PNLDC1: variants seen among roughly 807,000 people sequenced by gnomAD.
The protein encoded by PNLDC1 is PARN like ribonuclease domain containing exonuclease 1.
Under a neutral mutation model 82.0 loss-of-function variants are expected in PNLDC1, and 70 were observed. That is an observed-to-expected ratio of 0.85 (90% CI 0.70 to 1.04). PNLDC1 has a LOEUF of 1.04. Among genes scored for constraint, PNLDC1 ranks in the 50% least tolerant of loss-of-function variants. PNLDC1 has a pLI of 0.00. For synonymous variants in PNLDC1, 280 were observed against 249.3 expected, an observed-to-expected ratio of 1.12 and a Z score of -1.16; for missense variants, 631 against 661.1, an observed-to-expected ratio of 0.95 and a Z score of 0.50.
Position 159,819,221 on chromosome 6 carries a change from G to A in PNLDC1, c.1434-33G>A. On this transcript the variant is annotated intron_variant, in intron 17 of 18. Transcript: ENST00000392167. The surrounding 1 kb of genome is among the most constrained non-coding windows in gnomAD (Gnocchi z 4.6). ...TCACAGCAGGCGGCGCCATCCTGCTGCCTGGCTGACCACAGCAAACTTGTT... is the reference window on the plus strand; with the variant it reads ...TCACAGCAGGCGGCGCCATCCTGCTACCTGGCTGACCACAGCAAACTTGTT... 2 of 1,612,898 alleles carry A rather than the reference G, an allele frequency of 1.2e-6. No individual in the cohort carries two copies. The highest frequency in any genetic ancestry group is 1.3e-5 in the African/African-American group (1 of 75,000).
chr6:159,801,321 A>G (rs1172999288), intron 3 of PNLDC1, 135 bp downstream of exon 3: 12 of 850,218 alleles, frequency 1.4e-5, no homozygotes, highest in Non-Finnish European at 2.2e-5. Flanking sequence ...GTGTTGGGCC[A>G]TTGTATACAT....
chr6:159,815,913 C>T (rs1562505288), intron 12 of PNLDC1, 56 bp from the exon 13 acceptor site: 1 of 1,387,040 alleles, frequency 7.2e-7, no homozygotes. Context: ...AGGGGGAATA[C>T]AAGAAGGGAT....
At chr6:159,800,502 A>AC in intron 1 of PNLDC1, 119 bp downstream of exon 1, 1 of 1,325,376 alleles carries the variant, frequency 7.5e-7, no homozygotes, top group East Asian at 2.5e-5. Context: ...CTCGGGAAGG[A>AC]CAGGGGGGCT....
At chr6:159,803,688 A>G (rs1781344236) in intron 4 of PNLDC1, among the ~76,000 whole-genome samples, 1 of 152,084 alleles carries the variant, frequency 6.6e-6, no homozygotes, top group South Asian at 2.1e-4. Context: ...ACCCCCCATG[A>G]GCAGTTGAGG....
Position 159,818,564 on chromosome 6 carries a change from C to G in PNLDC1, c.1167C>G (p.Pro389=). Residue 389 remains proline (P), a synonymous_variant, in exon 16 of 19, where the codon CCC becomes CCG. Coordinates refer to ENST00000392167, the MANE Select transcript of PNLDC1 (RefSeq NM_001271862.2). ...LLLQKIYHID[P]VPESSFPQYL... ...TTTTCTGTCCTTGCAGCATCGACCCCGTGCCCGAGTCATCCTTTCCTCAGT... is the reference window on the plus strand; with the variant it reads ...TTTTCTGTCCTTGCAGCATCGACCCGGTGCCCGAGTCATCCTTTCCTCAGT... 7 of 1,613,690 alleles carry G rather than the reference C, an allele frequency of 4.3e-6. No homozygotes were observed. The highest frequency in any genetic ancestry group is 5.1e-6 in the Non-Finnish European group (6 of 1,180,016).
upstream of PNLDC1, chr6:159,800,163 A>G: frequency 1.5e-6 from 1 of 679,036 alleles, no homozygotes; most frequent in Middle Eastern, 4.3e-4. Flanking sequence ...CCAGCAGCAC[A>G]CGGGGAAGCT....
chr6:159,813,672 C>T lies in PNLDC1; in HGVS notation c.995+16C>T. 1.2e-6 allele frequency: 2 copies of T among 1,612,350 alleles called. No homozygotes were observed. Among genetic ancestry groups the T allele is most frequent in the Non-Finnish European group, 1.7e-6 (2 of 1,178,366 alleles). On this transcript the variant is annotated intron_variant, in intron 12 of 18. Transcript: ENST00000392167. ...TCCTGAACAGGTGAGGACGGCGATT[C>T]CTGGAGCTACTGCTGGAGCGGCCTT...
chr6:159,818,628 C>T lies in PNLDC1; in HGVS notation c.1231C>T (p.Leu411Phe), dbSNP rs1309063063. 15 of 1,613,720 alleles carry T rather than the reference C, an allele frequency of 9.3e-6. No homozygotes were observed. In the Admixed American group the frequency reaches 2.5e-4, roughly 27 times the overall value. The change falls in exon 16 of 19, where the codon CTC becomes TTC. Residue 411 changes from leucine (L) to phenylalanine (F), a missense_variant. Leu to Phe is a conservative substitution (Grantham distance 22, BLOSUM62 0). Transcript: ENST00000392167. ...GGCTCCTTACGTGAACCAAGTGAAC[C>T]TCATCCGAGCGGGGGTCCCAAAGAT... ...VLAPYVNQVNLIRAGVPKINF... is the reference protein window; with the variant it reads ...VLAPYVNQVNFIRAGVPKINF...
At chr6:159,813,480 A>C in intron 11 of PNLDC1, 121 bp from the exon 12 acceptor site, 2 of 817,692 alleles carry the variant, frequency 2.4e-6, no homozygotes, top group East Asian at 5.0e-5. Flanking sequence ...TTTGAAGAGA[A>C]AGAGGAGGTT....
At position 159,820,701 on chromosome 6, in the gene PNLDC1, C is replaced by T. The variant is rs987160705; in HGVS notation, c.*184C>T. ...CAATGATAAATCAGTCCTTAGATAT[C>T]GTACCTGTATGTGTGGTCAGAACTT... On this transcript the variant is annotated 3_prime_UTR_variant, in exon 19 of 19. Transcript: ENST00000392167. 6.5e-6 allele frequency: 4 copies of T among 618,556 alleles called. No homozygotes were observed. The highest frequency in any genetic ancestry group is 5.7e-5 in the East Asian group (2 of 35,150). The allele number at this position is 618,556 out of a possible 1,614,324, so 38.3% of individuals were successfully genotyped here.
intron 15 of PNLDC1, among the ~76,000 whole-genome samples, chr6:159,817,736 G>C (rs1033680600): frequency 2.0e-5 from 3 of 152,252 alleles, no homozygotes; most frequent in African/African-American, 7.2e-5. Flanking sequence ...CGTTAGTTAA[G>C]TAGGACTTAG....
intron 3 of PNLDC1, among the ~76,000 whole-genome samples, chr6:159,801,786 AT>A (rs35414954): frequency 0.48 from 72,677 of 151,506 alleles, 18,310 homozygotes; most frequent in Non-Finnish European, 0.55. Context: ...CACAAAAATA[AT>A]TTTTTTTAAG....
chr6:159,805,851 C>G (rs1781427916), intron 6 of PNLDC1, 132 bp from the exon 7 acceptor site: 1 of 683,146 alleles, frequency 1.5e-6, no homozygotes, highest in Non-Finnish European at 2.6e-6. Flanking sequence ...AAATCGTCTT[C>G]TTTTGGTACA....
chr6:159,804,169 T>G (rs1583167227), intron 5 of PNLDC1, 81 bp downstream of exon 5: 1 of 1,508,766 alleles, frequency 6.6e-7, no homozygotes, highest in Non-Finnish European at 9.0e-7. Flanking sequence ...CAGGCTGGAG[T>G]GCAGTGGTGC....
At chr6:159,818,257 G>A (rs1208961443) in intron 15 of PNLDC1, among the ~76,000 whole-genome samples, 6 of 152,182 alleles carry the variant, frequency 3.9e-5, no homozygotes, top group African/African-American at 1.4e-4. Context: ...TCTGAATAGT[G>A]GCCTCGCACT....
intron 6 of PNLDC1, among the ~76,000 whole-genome samples, chr6:159,805,257 A>G (rs754980295): frequency 1.3e-5 from 2 of 152,196 alleles, no homozygotes; most frequent in African/African-American, 2.4e-5. Context: ...TTGTGGGTAG[A>G]CGGACCGGGG....
chr6:159,800,859 A>G, intron 2 of PNLDC1, 30 bp downstream of exon 2: 2 of 1,613,952 alleles, frequency 1.2e-6, no homozygotes, highest in Non-Finnish European at 1.7e-6. Context: ...CCCTCTGTAT[A>G]AGAGCCTGGC....
rs139589917 is a variant in PNLDC1 at position 159,818,520 on chromosome 6, G to A, written c.1158-35G>A. ...GCCGAGGAAGTGGATGAACTTCTGT[G>A]CGCCCGACAGCTTTGGGGTTTTCTG... On this transcript the variant is annotated intron_variant, in intron 15 of 18. Transcript: ENST00000392167. 1,831 of 1,581,364 alleles carry A rather than the reference G, an allele frequency of 1.2e-3. 14 individuals carry two copies. In the African/African-American group the frequency reaches 0.015, roughly 13 times the overall value.
At chr6:159,809,320 A>G (rs946973414) in intron 9 of PNLDC1, among the ~76,000 whole-genome samples, 162 bp downstream of exon 9, 1 of 152,118 alleles carries the variant, frequency 6.6e-6, no homozygotes, top group Non-Finnish European at 1.5e-5. Flanking sequence ...CTCACCTGTC[A>G]CCCAGGCAGG....
Sources: allele counts gnomAD v4.1 joint callset (sites outside exome capture counted in the v4.1 genomes callset), GRCh38; gene constraint gnomAD v4.1.1; non-coding constraint Gnocchi (gnomAD v3.1); transcripts MANE v1.5; gene names NCBI Gene and HGNC (gene_info 2026-07-23, HGNC 2026-07-21).